The following WDR59 variants were observed in gnomAD, a reference collection of about 807,000 sequenced individuals.
WDR59 encodes the protein GATOR2 complex protein WDR59.
WDR59 carries 100 observed loss-of-function variants against 131.2 expected under a neutral mutation model. The ratio of observed to expected loss-of-function variants is 0.76; its 90% CI spans 0.65 to 0.90. The LOEUF (loss-of-function observed/expected upper bound fraction) is 0.90. WDR59 is among the 40% of genes least tolerant of loss of function. WDR59 has a pLI of 0.00. For synonymous variants in WDR59, 601 were observed against 466.2 expected, an observed-to-expected ratio of 1.29 and a Z score of -3.72; for missense variants, 1,203 against 1,262.2, an observed-to-expected ratio of 0.95 and a Z score of 0.71.
At position 74,904,547 on chromosome 16, in the gene WDR59, A is replaced by G. The variant is rs73603944; in HGVS notation, c.1713-447T>C. Reference sequence around the variant, plus strand: ...AGGAGACATACAACGATGGAGAAATATACCACGCAAGGATTGGAAGAGTCC... The same window carrying G: ...AGGAGACATACAACGATGGAGAAATGTACCACGCAAGGATTGGAAGAGTCC... On this transcript the variant is annotated intron_variant, in intron 17 of 25. Transcript: ENST00000262144. Among the ~76,000 whole-genome samples the G allele has an allele frequency of 7.6e-3, 1,161 of 152,350 alleles. 12 individuals carry two copies. Among genetic ancestry groups the G allele is most frequent in the African/African-American group, 0.027 (1,115 of 41,578 alleles).
intron 3 of WDR59, among the ~76,000 whole-genome samples, chr16:74,955,259 T>C (rs2033227889): frequency 6.6e-6 from 1 of 152,150 alleles, no homozygotes; most frequent in Non-Finnish European, 1.5e-5. Flanking sequence ...GCTGGAGACA[T>C]TTTTGATTGT....
intron 23 of WDR59, among the ~76,000 whole-genome samples, chr16:74,887,401 G>C (rs934800664): frequency 2.6e-5 from 4 of 152,132 alleles, no homozygotes; most frequent in African/African-American, 9.7e-5. Context: ...GAAGGAGAAA[G>C]GATAAGGGTT....
At chr16:74,905,676 T>C (rs1326779903) in intron 17 of WDR59, among the ~76,000 whole-genome samples, 2 of 150,810 alleles carry the variant, frequency 1.3e-5, no homozygotes, top group Non-Finnish European at 3.0e-5. Context: ...AGCGAGATTC[T>C]GACTCAAAAA....
intron 8 of WDR59, among the ~76,000 whole-genome samples, chr16:74,928,908 CA>C (rs1212690819): frequency 2.7e-5 from 4 of 150,886 alleles, no homozygotes; most frequent in Non-Finnish European, 5.9e-5. Flanking sequence ...GACTCTGTCT[CA>C]AAAAAAATAA....
chr16:74,888,361 G>T, intron 21 of WDR59, 42 bp from the exon 22 acceptor site: 2 of 1,582,588 alleles, frequency 1.3e-6, no homozygotes, highest in Non-Finnish European at 1.7e-6. Context: ...TCAGGAGGAG[G>T]GATTGAGGAG....
At chr16:74,890,458 A>T (rs929192980) in intron 20 of WDR59, among the ~76,000 whole-genome samples, 36 of 152,134 alleles carry the variant, frequency 2.4e-4, no homozygotes, top group African/African-American at 7.0e-4. Context: ...GCCTCACATG[A>T]CTTTTTAAAA....
intron 8 of WDR59, among the ~76,000 whole-genome samples, chr16:74,931,324 T>G (rs1055866613): frequency 2.0e-5 from 3 of 152,186 alleles, no homozygotes; most frequent in Non-Finnish European, 4.4e-5. Context: ...AAAAAATGTT[T>G]GCTCTTATGA....
At chr16:74,914,756 G>A (rs1422210853) in intron 13 of WDR59, among the ~76,000 whole-genome samples, 1 of 152,012 alleles carries the variant, frequency 6.6e-6, no homozygotes, top group African/African-American at 2.4e-5. Context: ...ACCATGACCA[G>A]CTAATTTTTG....
chr16:74,976,335 G>C (rs1321342035), intron 1 of WDR59, among the ~76,000 whole-genome samples: 1 of 151,980 alleles, frequency 6.6e-6, no homozygotes, highest in Non-Finnish European at 1.5e-5. Context: ...GGTCAGAAGA[G>C]AGTATACTTT....
chr16:74,908,739 C>CT, intron 17 of WDR59, 169 bp downstream of exon 17: 2 of 570,970 alleles, frequency 3.5e-6, no homozygotes, highest in South Asian at 2.5e-5. Context: ...GAAATCACAG[C>CT]TTTTTTGCAA....
intron 22 of WDR59, 141 bp from the exon 23 acceptor site, chr16:74,887,896 A>C: frequency 1.1e-6 from 1 of 920,594 alleles, no homozygotes; most frequent in Non-Finnish European, 1.6e-6. Context: ...GGAAGGTGGA[A>C]CACCTGAGGT....
Position 74,909,340 on chromosome 16 carries a change from C to T in WDR59, c.1642+161G>A, listed in dbSNP as rs113332809. Among the ~76,000 whole-genome samples, 327 of 152,268 alleles carry T rather than the reference C, an allele frequency of 2.1e-3. 7 individuals are homozygous for T. In the South Asian group the frequency reaches 0.05, roughly 23 times the overall value. On this transcript the variant is annotated intron_variant, in intron 16 of 25. Transcript: ENST00000262144. ...CACCCTCTTAGGATAAGTCCACAGA[C>T]ACCGACTGGGCCTCAGACCCTACCA...
At chr16:74,901,564 G>A (rs1257127278) in intron 18 of WDR59, among the ~76,000 whole-genome samples, 1 of 151,492 alleles carries the variant, frequency 6.6e-6, no homozygotes, top group African/African-American at 2.4e-5. Context: ...GATCACTCGA[G>A]CCCAGGAGTC....
intron 2 of WDR59, among the ~76,000 whole-genome samples, chr16:74,963,622 T>C (rs530480208): frequency 6.6e-6 from 1 of 152,142 alleles, no homozygotes; most frequent in South Asian, 2.1e-4. Flanking sequence ...TCGGGATAAA[T>C]AGCTAATGCA....
chr16:74,915,799 T>C (rs577818892), intron 13 of WDR59, 71 bp downstream of exon 13: 3 of 1,598,824 alleles, frequency 1.9e-6, no homozygotes, highest in South Asian at 2.2e-5. Flanking sequence ...ACTGAAATCA[T>C]TGCTGAAATG....
chr16:74,929,231 T>C (rs1287810315), intron 8 of WDR59, among the ~76,000 whole-genome samples: 1 of 152,132 alleles, frequency 6.6e-6, no homozygotes, highest in Non-Finnish European at 1.5e-5. Flanking sequence ...CCCGCCACCA[T>C]GCCCAGCTAA....
At chr16:74,944,594 C>T (rs755098057) in intron 6 of WDR59, among the ~76,000 whole-genome samples, 12 of 151,896 alleles carry the variant, frequency 7.9e-5, no homozygotes, top group African/African-American at 1.9e-4. Flanking sequence ...GAATAATGTG[C>T]CCCCTGAGAG....
At chr16:74,908,517 G>A (rs1472928866) in intron 17 of WDR59, among the ~76,000 whole-genome samples, 1 of 152,154 alleles carries the variant, frequency 6.6e-6, no homozygotes, top group Non-Finnish European at 1.5e-5. Flanking sequence ...ATTAGAAGTG[G>A]CATATTAGTG....
intron 1 of WDR59, among the ~76,000 whole-genome samples, chr16:74,975,836 T>A (rs186726437): frequency 4.9e-4 from 75 of 151,598 alleles, no homozygotes; most frequent in African/African-American, 1.7e-3. Flanking sequence ...CATCACCACA[T>A]CTTTATATTA....
Sources: allele counts gnomAD v4.1 joint callset (sites outside exome capture counted in the v4.1 genomes callset), GRCh38; gene constraint gnomAD v4.1.1; transcripts MANE v1.5; gene names NCBI Gene and HGNC (gene_info 2026-07-23, HGNC 2026-07-21).